Variants in P2RY8 observed in about 807,000 individuals in gnomAD.
P2RY8 encodes S-geranylgeranyl-glutathione receptor P2RY8.
Under a neutral mutation model 10.0 loss-of-function variants are expected in P2RY8, and 6 were observed. That is an observed-to-expected ratio of 0.60 (90% CI 0.33 to 1.19). P2RY8 has a LOEUF of 1.19. P2RY8 is among the 50% of genes most tolerant of loss of function. P2RY8 has a pLI of 0.04. For synonymous variants in P2RY8, 276 were observed against 252.5 expected (o/e 1.09, Z -0.88); for missense variants, 456 against 542.0 (o/e 0.84, Z 1.58).
At chrX:1,526,986 C>T (rs2092443957) in intron 1 of P2RY8, among the ~76,000 whole-genome samples, 1 of 152,230 alleles carries the variant, frequency 6.6e-6, no homozygotes, top group East Asian at 1.9e-4. Flanking sequence ...ATCTGCCTCC[C>T]GGGTTCAAGG....
At chrX:1,475,199 G>T (rs1205623127) in intron 1 of P2RY8, among the ~76,000 whole-genome samples, 1 of 149,304 alleles carries the variant, frequency 6.7e-6, no homozygotes, top group Non-Finnish European at 1.5e-5. Flanking sequence ...AGATGGATGG[G>T]CAGATGTATG....
intron 1 of P2RY8, among the ~76,000 whole-genome samples, chrX:1,516,070 A>G (rs1227234453): frequency 6.7e-6 from 1 of 150,184 alleles, no homozygotes; most frequent in Non-Finnish European, 1.5e-5. Context: ...GGTGGCAGGC[A>G]CCTGTAATCC....
At chrX:1,477,789 C>G (rs1337224190) in intron 1 of P2RY8, among the ~76,000 whole-genome samples, 1 of 152,120 alleles carries the variant, frequency 6.6e-6, no homozygotes, top group East Asian at 1.9e-4. Flanking sequence ...ACAAGAGCAG[C>G]CTTCAACAAA....
Position 1,484,302 on chromosome X carries a change from C to A in P2RY8, c.-24-17720G>T, listed in dbSNP as rs188573171. ...GAAAGGTGAAAGGGTCCCAAGGTAG[C>A]AGTGATCATAGACAGAGACTCATTT... is the stretch of plus-strand genomic sequence containing the variant. On this transcript the variant is annotated intron_variant, in intron 1 of 1. Transcript: ENST00000381297. 2.6e-5 allele frequency among the ~76,000 whole-genome samples: 4 copies of A among 152,248 alleles called. No individual in the cohort carries two copies. In the East Asian group the frequency reaches 7.7e-4, roughly 29 times the overall value.
At chrX:1,535,716 GACACACACACAGACACAC>G (rs1366225405) in intron 1 of P2RY8, among the ~76,000 whole-genome samples, 1 of 146,200 alleles carries the variant, frequency 6.8e-6, no homozygotes, top group Non-Finnish European at 1.5e-5. Context: ...CACACACACA[GACACACACACAGACACAC>G]ACACACACAC....
chrX:1,525,122 T>C (rs1410706848), intron 1 of P2RY8, among the ~76,000 whole-genome samples: 1 of 152,198 alleles, frequency 6.6e-6, no homozygotes, highest in African/African-American at 2.4e-5. Context: ...AAAATCCCTA[T>C]TGGTGCAATA....
At chrX:1,509,808 T>TCTAA (rs1468586480) in intron 1 of P2RY8, among the ~76,000 whole-genome samples, 2 of 80,974 alleles carry the variant, frequency 2.5e-5, no homozygotes, top group African/African-American at 7.7e-5. Context: ...TATCTATCTA[T>TCTAA]CTATCTATCT....
At chrX:1,522,795 G>A (rs141942334) in intron 1 of P2RY8, among the ~76,000 whole-genome samples, 176 of 149,610 alleles carry the variant, frequency 1.2e-3, no homozygotes, top group African/African-American at 4.2e-3. Flanking sequence ...AAGGCCGGGC[G>A]TGGTGGCTCA....
intron 1 of P2RY8, among the ~76,000 whole-genome samples, chrX:1,508,981 A>G (rs1224375117): frequency 1.4e-5 from 2 of 146,678 alleles, no homozygotes; most frequent in Non-Finnish European, 3.0e-5. Context: ...CTATTCATCC[A>G]TCTGTCTATC....
Position 1,466,471 on chromosome X carries a change from A to G in P2RY8, c.88T>C (p.Tyr30His). The G allele has an allele frequency of 6.2e-7, 1 of 1,611,964 alleles. No homozygotes were observed. The highest frequency in any genetic ancestry group is 8.5e-7 in the Non-Finnish European group (1 of 1,179,790). ...ATGCTGACCGCCGCCACCAGCGAGT[A>G]CACCACGGGCAGGGCCACCGCGATC... ...PAIAVALPVV[Y>H]SLVAAVSIPG... is the part of the protein sequence containing the mutation. Residue 30 changes from tyrosine (Y) to histidine (H), a missense_variant, in exon 2 of 2, where the codon TAC becomes CAC. Physicochemically the swap from Tyr to His is moderately conservative, Grantham distance 83 (BLOSUM62 2). Transcript: ENST00000381297.
At chrX:1,523,363 C>A (rs1487667225) in intron 1 of P2RY8, among the ~76,000 whole-genome samples, 9 of 152,070 alleles carry the variant, frequency 5.9e-5, no homozygotes, top group African/African-American at 2.2e-4. Context: ...GGTACCTAAT[C>A]GTCTCCTTGG....
intron 1 of P2RY8, among the ~76,000 whole-genome samples, chrX:1,512,934 T>C (rs1239759194): frequency 6.6e-6 from 1 of 152,054 alleles, no homozygotes; most frequent in Non-Finnish European, 1.5e-5. Flanking sequence ...CCGTATGCCA[T>C]GGTGGTTTGC....
chrX:1,528,395 C>T (rs2092452454), intron 1 of P2RY8, among the ~76,000 whole-genome samples: 1 of 152,244 alleles, frequency 6.6e-6, no homozygotes, highest in South Asian at 2.1e-4. Flanking sequence ...AGAGCTACTG[C>T]TGCACAACTG....
intron 1 of P2RY8, among the ~76,000 whole-genome samples, chrX:1,500,788 A>G (rs2092171064): frequency 1.3e-5 from 2 of 152,018 alleles, no homozygotes; most frequent in South Asian, 4.1e-4. Flanking sequence ...CATTGCTCTG[A>G]GCCGCCGCCA....
chrX:1,495,445 C>T (rs2092106218), intron 1 of P2RY8, among the ~76,000 whole-genome samples: 1 of 152,084 alleles, frequency 6.6e-6, no homozygotes. Context: ...GACACAGACA[C>T]ACACAGAGGG....
At chrX:1,533,002 CAAAAAAAAAAAAAA>C (rs56945483) in intron 1 of P2RY8, among the ~76,000 whole-genome samples, 1 of 76,068 alleles carries the variant, frequency 1.3e-5, no homozygotes, top group East Asian at 4.2e-4. Flanking sequence ...AACTCTGTCT[CAAAAAAAAAAAAAA>C]AAAAAAAAAC....
At chrX:1,503,189 C>T (rs1341232035) in intron 1 of P2RY8, among the ~76,000 whole-genome samples, 5 of 152,116 alleles carry the variant, frequency 3.3e-5, no homozygotes, top group Non-Finnish European at 1.5e-5. Flanking sequence ...ATGCCTGGAG[C>T]CCCCAGGAGC....
At chrX:1,493,220 G>A (rs1422855728) in intron 1 of P2RY8, among the ~76,000 whole-genome samples, 1 of 149,496 alleles carries the variant, frequency 6.7e-6, no homozygotes, top group Non-Finnish European at 1.5e-5. Context: ...CCCGGGAGGC[G>A]GAGGTTGCAG....
In P2RY8 at chrX:1,465,140, C is replaced by T. The variant is rs1423696216; in HGVS notation, c.*339G>A. On this transcript the variant is annotated 3_prime_UTR_variant, in exon 2 of 2. Transcript: ENST00000381297. Reference sequence around the variant, plus strand: ...TCTAAGGAGCTCGGGGGTGACAGCCCAGCTCTACTAAAAAAAATACAAAAA... The same window carrying T: ...TCTAAGGAGCTCGGGGGTGACAGCCTAGCTCTACTAAAAAAAATACAAAAA... 9.9e-6 allele frequency: 4 copies of T among 404,850 alleles called. No homozygotes were observed. Among genetic ancestry groups the T allele is most frequent in the African/African-American group, 2.0e-5 (1 of 50,006 alleles). The allele number at this position is 404,850 out of a possible 1,614,324, so 25.1% of individuals were successfully genotyped here. A position where few individuals can be genotyped will look rare whatever the true frequency, so the allele number is the denominator to read the frequency against.
Sources: allele counts gnomAD v4.1 joint callset (sites outside exome capture counted in the v4.1 genomes callset), GRCh38; gene constraint gnomAD v4.1.1; transcripts MANE v1.5; gene names NCBI Gene and HGNC (gene_info 2026-07-23, HGNC 2026-07-21).